TBL1X: variants seen among roughly 807,000 people sequenced by gnomAD.
The protein encoded by TBL1X is transducin beta like 1 X-linked.
TBL1X carries 10 observed loss-of-function variants against 50.7 expected under a neutral mutation model. The observed-to-expected ratio is 0.20, with a 90% CI of 0.12 to 0.33. The LOEUF (loss-of-function observed/expected upper bound fraction) is 0.33. Among genes scored for constraint, TBL1X ranks in the 10% least tolerant of loss-of-function variants. The pLI, the probability that TBL1X is intolerant of heterozygous loss-of-function variation, is 1.00. For missense variants in TBL1X, 340 were observed against 504.4 expected, an observed-to-expected ratio of 0.67 and a Z score of 3.12; for synonymous variants, 190 against 214.7, an observed-to-expected ratio of 0.88 and a Z score of 1.01.
chrX:9,709,637 G>A lies in TBL1X; in HGVS notation c.1316G>A (p.Trp439Ter). 8.3e-7 allele frequency: 1 copy of A among 1,210,323 alleles called. No individual in the cohort carries two copies. Among genetic ancestry groups the A allele is most frequent in the Non-Finnish European group, 1.1e-6 (1 of 894,891 alleles). ...TGTGTCTGGTGTGTTCTGTAGATCTGGAGCATGAAACAGGAGGTGTGCATC... is the reference window on the plus strand; with the variant it reads ...TGTGTCTGGTGTGTTCTGTAGATCTAGAGCATGAAACAGGAGGTGTGCATC... ...SCSDDMTLKI[W>*]SMKQEVCIHD... Residue 439 changes from tryptophan (W) to a stop codon, truncating the protein, a stop_gained, in exon 15 of 18, where the codon TGG becomes TAG. Coordinates refer to ENST00000645353, the MANE Select transcript of TBL1X (RefSeq NM_005647.4). LOFTEE classifies it high-confidence loss of function.
intron 5 of TBL1X, among the ~76,000 whole-genome samples, chrX:9,661,154 A>AGT (rs2082896231): frequency 8.9e-6 from 1 of 112,811 alleles, no homozygotes; most frequent in Non-Finnish European, 1.9e-5. Flanking sequence ...ATAATAGTGA[A>AGT]GTAGTACATC....
At position 9,538,870 on chromosome X, in the gene TBL1X, C is replaced by T. The variant is rs879184711; in HGVS notation, c.-131+37021C>T. ...CCAGGGTGCCAGAGTGCGTGTGCAC[C>T]TGCTGGGGAGAAGCCCGCTGGGGCC... On this transcript the variant is annotated intron_variant, in intron 2 of 17. Coordinates refer to ENST00000645353, the MANE Select transcript of TBL1X (RefSeq NM_005647.4). Among the ~76,000 whole-genome samples the T allele has an allele frequency of 2.7e-5, 3 of 112,845 alleles. No homozygotes were observed. In the Admixed American group the frequency reaches 2.8e-4, roughly 11 times the overall value.
intron 2 of TBL1X, among the ~76,000 whole-genome samples, chrX:9,581,112 G>C (rs1046101135): frequency 9.0e-6 from 1 of 111,721 alleles, no homozygotes; most frequent in African/African-American, 3.3e-5. Flanking sequence ...AAAAAACTAA[G>C]GGCTGTAGAG....
intron 2 of TBL1X, among the ~76,000 whole-genome samples, chrX:9,510,477 G>C (rs947045112): frequency 8.9e-6 from 1 of 112,299 alleles, no homozygotes; most frequent in Non-Finnish European, 1.9e-5. Flanking sequence ...GCATCTGTCT[G>C]AAGGATGGAT....
rs888515781 is a variant in TBL1X at position 9,527,359 on chromosome X, C to T, written c.-131+25510C>T. 2.7e-5 allele frequency among the ~76,000 whole-genome samples: 3 copies of T among 111,676 alleles called. No individual in the cohort carries two copies. In the Admixed American group the frequency reaches 2.8e-4, roughly 11 times the overall value. On this transcript the variant is annotated intron_variant, in intron 2 of 17. Transcript: ENST00000645353. ...GAAAATTCCTATAGGGGTCTCGTCT[C>T]TGTTGTATTTATTGTAGTACGACCT...
In TBL1X at chrX:9,717,311, T is replaced by G. The variant is rs941221115; in HGVS notation, c.*1065T>G. 9.8e-5 allele frequency: 11 copies of G among 112,139 alleles called. No homozygotes were observed. Among genetic ancestry groups the G allele is most frequent in the Admixed American group, 2.8e-4 (3 of 10,611 alleles). 9.2% of individuals were successfully genotyped at this position (112,139 alleles called of 1,213,427 possible). A position where few individuals can be genotyped will look rare whatever the true frequency, so the allele number is the denominator to read the frequency against. ...AAAATCTTAAAATGGCCATCAGACA[T>G]AGAGAGCTTTGTGTGATTCATGTTT... On this transcript the variant is annotated 3_prime_UTR_variant, in exon 18 of 18. Transcript: ENST00000645353.
At chrX:9,539,639 C>T (rs1289663274) in intron 2 of TBL1X, among the ~76,000 whole-genome samples, 1 of 111,996 alleles carries the variant, frequency 8.9e-6, no homozygotes, top group African/African-American at 3.2e-5. Context: ...GTTTATAGCA[C>T]TTCTGGGTTG....
rs374244335 is a variant in TBL1X at position 9,620,750 on chromosome X, C to A, written c.-130-19523C>A. Among the ~76,000 whole-genome samples the A allele has an allele frequency of 2.7e-5, 3 of 111,674 alleles. No homozygotes were observed. The East Asian group carries it at 8.5e-4, about 32-fold the overall frequency. ...TGCACGGTGAACAAAGCCTACAGTG[C>A]TTTGCCGGCCATAATACTAAGAGGA... On this transcript the variant is annotated intron_variant, in intron 2 of 17. Coordinates refer to ENST00000645353, the MANE Select transcript of TBL1X (RefSeq NM_005647.4).
At chrX:9,581,298 C>G (rs1313086513) in intron 2 of TBL1X, among the ~76,000 whole-genome samples, 1 of 112,007 alleles carries the variant, frequency 8.9e-6, no homozygotes, top group African/African-American at 3.2e-5. Flanking sequence ...TCTATACATT[C>G]TTTTCTCATG....
intron 5 of TBL1X, among the ~76,000 whole-genome samples, chrX:9,681,993 C>T (rs985656361): frequency 1.2e-4 from 14 of 112,789 alleles, no homozygotes; most frequent in African/African-American, 3.9e-4. Context: ...ATCACTGTGG[C>T]CCAGAGTAGA....
intron 2 of TBL1X, among the ~76,000 whole-genome samples, chrX:9,600,247 C>CT (rs1171087765): frequency 9.1e-6 from 1 of 110,268 alleles, no homozygotes; most frequent in Non-Finnish European, 1.9e-5. Context: ...GATCAAGGCA[C>CT]TGGCAGTTTT....
chrX:9,648,883 AGAG>A (rs982860299), intron 3 of TBL1X, among the ~76,000 whole-genome samples: 3 of 112,522 alleles, frequency 2.7e-5, no homozygotes. Flanking sequence ...CTTAGAAAAA[AGAG>A]GAGGAGGAGG....
chrX:9,613,985 CA>C (rs34481376), intron 2 of TBL1X, among the ~76,000 whole-genome samples: 123 of 50,247 alleles, frequency 2.4e-3, no homozygotes, highest in African/African-American at 7.1e-3. Flanking sequence ...GACTCCATCT[CA>C]AAAAAAAAAA....
At chrX:9,698,891 C>T (rs1263061928) in intron 12 of TBL1X, among the ~76,000 whole-genome samples, 2 of 34,017 alleles carry the variant, frequency 5.9e-5, no homozygotes, top group Non-Finnish European at 1.0e-4. Context: ...GGAGCCAGGC[C>T]AGGCCACATG....
chrX:9,528,036 C>A (rs142435096), intron 2 of TBL1X, among the ~76,000 whole-genome samples: 1 of 111,490 alleles, frequency 9.0e-6, no homozygotes, highest in Non-Finnish European at 1.9e-5. Context: ...CCACCCACTC[C>A]TGCCTCCCAA....
intron 2 of TBL1X, among the ~76,000 whole-genome samples, chrX:9,580,763 G>A (rs767407185): frequency 1.8e-5 from 2 of 111,525 alleles, no homozygotes; most frequent in African/African-American, 6.5e-5. Flanking sequence ...TTTTTGATAG[G>A]CCATTGGTTG....
chrX:9,624,233 A>G (rs1234152028), intron 2 of TBL1X, among the ~76,000 whole-genome samples: 2 of 112,331 alleles, frequency 1.8e-5, no homozygotes, highest in Non-Finnish European at 3.8e-5. Context: ...AGTGTTTTCA[A>G]GTTGTTGTTG....
At chrX:9,531,394 T>TGTGTTG (rs2082160649) in intron 2 of TBL1X, among the ~76,000 whole-genome samples, 2 of 106,617 alleles carry the variant, frequency 1.9e-5, no homozygotes, top group South Asian at 4.0e-4. Flanking sequence ...TGTGTGTGTG[T>TGTGTTG]GTGTGTGTTG....
At chrX:9,568,145 T>C (rs1365066613) in intron 2 of TBL1X, among the ~76,000 whole-genome samples, 1 of 112,224 alleles carries the variant, frequency 8.9e-6, no homozygotes, top group African/African-American at 3.2e-5. Context: ...CGGTTTCCCC[T>C]GGGAGTCTTG....
Sources: allele counts gnomAD v4.1 joint callset (sites outside exome capture counted in the v4.1 genomes callset), GRCh38; gene constraint gnomAD v4.1.1; transcripts MANE v1.5; gene names NCBI Gene and HGNC (gene_info 2026-07-23, HGNC 2026-07-21).